FGF13: variants seen among roughly 807,000 people sequenced by gnomAD.
FGF13 encodes fibroblast growth factor homologous factor 2.
FGF13 carries 2 observed loss-of-function variants against 19.5 expected under a neutral mutation model. The observed-to-expected ratio is 0.10, with a 90% CI of 0.04 to 0.32. FGF13 has a LOEUF of 0.32. FGF13 is among the 10% of genes least tolerant of loss of function. The pLI is 1.00. For synonymous variants in FGF13, 72 were observed against 76.9 expected (o/e 0.94, Z 0.33); for missense variants, 113 against 192.7 (o/e 0.59, Z 2.45).
intron 1 of FGF13, among the ~76,000 whole-genome samples, chrX:139,056,542 C>T (rs1401821196): frequency 1.8e-5 from 2 of 112,443 alleles, no homozygotes; most frequent in African/African-American, 3.2e-5. Flanking sequence ...ACTTTCAACT[C>T]GAAAGACTGT....
At chrX:138,906,078 A>C (rs2091557027) in intron 1 of FGF13, among the ~76,000 whole-genome samples, 1 of 111,577 alleles carries the variant, frequency 9.0e-6, no homozygotes, top group Non-Finnish European at 1.9e-5. Flanking sequence ...CCAAAAAACC[A>C]ATGCAAAATA....
At chrX:139,003,648 A>C (rs1336637398) in intron 1 of FGF13, among the ~76,000 whole-genome samples, 1 of 110,320 alleles carries the variant, frequency 9.1e-6, no homozygotes, top group Non-Finnish European at 1.9e-5. Flanking sequence ...CAGGTTCTCC[A>C]AGGCCTCACC....
chrX:139,095,024 T>C (rs1219027241), intron 1 of FGF13, among the ~76,000 whole-genome samples: 3 of 112,499 alleles, frequency 2.7e-5, no homozygotes, highest in African/African-American at 9.7e-5. Flanking sequence ...TCACCAAACA[T>C]TCATGCCCTC....
In FGF13 at chrX:138,616,466, C is replaced by T. The variant is rs2088968405; in HGVS notation, c.*16384G>A. ...CCCACAGCCTTGGGCAGCTCTTCCC[C>T]TGTGGCTTTGCAGGATGCAGCCACC... On this transcript the variant is annotated 3_prime_UTR_variant, in exon 5 of 5. Coordinates refer to ENST00000315930, the MANE Select transcript of FGF13 (RefSeq NM_004114.5). 8.8e-6 allele frequency: 1 copy of T among 113,134 alleles called. No individual in the cohort carries two copies. The highest frequency in any genetic ancestry group is 3.6e-4 in the South Asian group (1 of 2,770). The allele number at this position is 113,134 out of a possible 1,213,427, so 9.3% of individuals were successfully genotyped here.
At chrX:139,128,546 G>C (rs1392896145) in intron 1 of FGF13, among the ~76,000 whole-genome samples, 1 of 112,169 alleles carries the variant, frequency 8.9e-6, no homozygotes, top group Admixed American at 9.5e-5. Context: ...GAGTCCAAAG[G>C]CTCTTTCTCC....
intron 1 of FGF13, among the ~76,000 whole-genome samples, chrX:139,088,687 T>C (rs898897849): frequency 3.1e-4 from 35 of 111,724 alleles, no homozygotes; most frequent in African/African-American, 1.1e-3. Flanking sequence ...ATGAGAAGGT[T>C]GACTGCTGTG....
chrX:139,005,200 C>A (rs1337362472), intron 1 of FGF13, among the ~76,000 whole-genome samples: 5 of 64,444 alleles, frequency 7.8e-5, no homozygotes, highest in East Asian at 9.4e-4. Flanking sequence ...ACTGCCCCCC[C>A]CCCCCCCCCA....
intron 3 of FGF13, among the ~76,000 whole-genome samples, chrX:138,750,860 G>C (rs915497024): frequency 9.0e-6 from 1 of 111,264 alleles, no homozygotes; most frequent in African/African-American, 3.3e-5. Context: ...AGAATGCATA[G>C]AGCAAGATTA....
chrX:138,972,518 G>A (rs892846726), intron 1 of FGF13, among the ~76,000 whole-genome samples: 2 of 108,664 alleles, frequency 1.8e-5, no homozygotes, highest in East Asian at 2.9e-4. Context: ...CACCATGCCC[G>A]GCTAATTTTT....
At chrX:138,907,376 A>G (rs765592648) in intron 1 of FGF13, among the ~76,000 whole-genome samples, 1 of 111,722 alleles carries the variant, frequency 9.0e-6, no homozygotes, top group East Asian at 2.8e-4. Context: ...AATCAGACTG[A>G]TAACAAGATT....
chrX:138,936,827 A>AC (rs2091733487), intron 1 of FGF13, among the ~76,000 whole-genome samples: 1 of 111,992 alleles, frequency 8.9e-6, no homozygotes. Context: ...ATCCCTCCAC[A>AC]CTGGGGACCG....
intron 1 of FGF13, among the ~76,000 whole-genome samples, chrX:139,022,650 C>A (rs2092182607): frequency 9.0e-6 from 1 of 111,099 alleles, no homozygotes; most frequent in Non-Finnish European, 1.9e-5. Context: ...CCACCAGAAG[C>A]ATCTAAGATG....
Position 139,186,473 on chromosome X carries a change from T to G in FGF13, c.-113+16943A>C, listed in dbSNP as rs747107549. On this transcript the variant is annotated intron_variant, in intron 1 of 2. Transcript: ENST00000421460. Reference sequence around the variant, plus strand: ...CAAGTCTCAGCCTGGACCCACCGCATCAGCTTTCTCACTGCCTTCCTAGCC... The same window carrying G: ...CAAGTCTCAGCCTGGACCCACCGCAGCAGCTTTCTCACTGCCTTCCTAGCC... Among the ~76,000 whole-genome samples the G allele has an allele frequency of 5.4e-5, 6 of 112,086 alleles. No individual in the cohort carries two copies. The Admixed American group carries it at 5.7e-4, about 11-fold the overall frequency.
chrX:139,171,749 A>T (rs1453894122), intron 1 of FGF13, among the ~76,000 whole-genome samples: 6 of 112,564 alleles, frequency 5.3e-5, no homozygotes, highest in Non-Finnish European at 9.4e-5. Context: ...CTTATCACAG[A>T]TATGTGAAAG....
At chrX:138,785,357 C>T (rs2090683954) in intron 3 of FGF13, among the ~76,000 whole-genome samples, 2 of 111,833 alleles carry the variant, frequency 1.8e-5, no homozygotes, top group Admixed American at 1.9e-4. Context: ...CCAGCTACCT[C>T]TCCATGTCTC....
intron 1 of FGF13, among the ~76,000 whole-genome samples, chrX:139,112,507 T>C (rs886121967): frequency 8.9e-6 from 1 of 111,847 alleles, no homozygotes; most frequent in Non-Finnish European, 1.9e-5. Flanking sequence ...AAGATATTAT[T>C]GTCTCCCAGA....
chrX:139,122,160 G>A (rs2083681784), intron 1 of FGF13, among the ~76,000 whole-genome samples: 1 of 111,497 alleles, frequency 9.0e-6, no homozygotes, highest in Admixed American at 9.6e-5. Flanking sequence ...ACACCAGGAG[G>A]GGTGGTCCCT....
intron 3 of FGF13, among the ~76,000 whole-genome samples, chrX:138,789,226 T>C (rs772443018): frequency 9.0e-6 from 1 of 110,877 alleles, no homozygotes; most frequent in South Asian, 3.9e-4. Context: ...TGGAGTGCAA[T>C]GGCGTGATCT....
chrX:138,790,263 C>A (rs1444339347), intron 3 of FGF13, among the ~76,000 whole-genome samples: 1 of 107,581 alleles, frequency 9.3e-6, no homozygotes, highest in Non-Finnish European at 1.9e-5. Flanking sequence ...CTAGCTATCT[C>A]TCTAGCCTCT....
Sources: allele counts gnomAD v4.1 joint callset (sites outside exome capture counted in the v4.1 genomes callset), GRCh38; gene constraint gnomAD v4.1.1; transcripts MANE v1.5; gene names NCBI Gene and HGNC (gene_info 2026-07-23, HGNC 2026-07-21).